Variants in SMCHD1 observed in about 807,000 individuals in gnomAD.
SMCHD1 encodes structural maintenance of chromosomes flexible hinge domain-containing protein 1.
Under a neutral mutation model 254.7 loss-of-function variants are expected in SMCHD1, and 78 were observed. The observed-to-expected ratio is 0.31, with a 90% CI of 0.26 to 0.37. The LOEUF (loss-of-function observed/expected upper bound fraction) is 0.37, where lower values mean the gene tolerates loss of function less well. Among genes scored for constraint, SMCHD1 ranks in the 10% least tolerant of loss-of-function variants. SMCHD1 has a pLI of 1.00. For missense variants in SMCHD1, 1,840 were observed against 2,408.1 expected (o/e 0.76, Z 4.94); for synonymous variants, 766 against 794.9 (o/e 0.96, Z 0.61).
intron 2 of SMCHD1, 52 bp from the exon 3 acceptor site, chr18:2,666,818 A>AT: frequency 1.4e-6 from 2 of 1,421,960 alleles, no homozygotes. Context: ...TTATAAGTTC[A>AT]TTGAGTTTCT....
At chr18:2,785,716 C>T (rs1442694769) in intron 45 of SMCHD1, among the ~76,000 whole-genome samples, 3 of 146,916 alleles carry the variant, frequency 2.0e-5, no homozygotes, top group African/African-American at 7.5e-5. Context: ...TTCATTCTAT[C>T]TCCAGAACTG....
At chr18:2,724,121 G>T (rs2074981013) in intron 20 of SMCHD1, among the ~76,000 whole-genome samples, 1 of 147,032 alleles carries the variant, frequency 6.8e-6, no homozygotes, top group Non-Finnish European at 1.5e-5. Flanking sequence ...TCTTTCCCAG[G>T]GGATTTATTT....
chr18:2,717,239 C>A (rs1289971961), intron 17 of SMCHD1, among the ~76,000 whole-genome samples: 1 of 152,190 alleles, frequency 6.6e-6, no homozygotes, highest in Non-Finnish European at 1.5e-5. Flanking sequence ...AAGGAGCTCC[C>A]AGCTGGCTTC....
chr18:2,699,840 G>A (rs1474885040), intron 10 of SMCHD1, among the ~76,000 whole-genome samples: 1 of 152,222 alleles, frequency 6.6e-6, no homozygotes, highest in Non-Finnish European at 1.5e-5. Flanking sequence ...GGCTTTTAGG[G>A]AGAAGGTTTT....
intron 20 of SMCHD1, among the ~76,000 whole-genome samples, chr18:2,723,718 C>T (rs2143414284): frequency 6.6e-6 from 1 of 152,284 alleles, no homozygotes; most frequent in Non-Finnish European, 1.5e-5. Context: ...CAGAGATCTT[C>T]TGTTTTAACC....
intron 45 of SMCHD1, chr18:2,785,122 C>T: frequency 4.0e-6 from 1 of 250,302 alleles, no homozygotes; most frequent in South Asian, 3.9e-5. Context: ...GGCTGTGTCC[C>T]TTTGCATCTA....
chr18:2,730,077 C>T (rs1004986077), intron 24 of SMCHD1, among the ~76,000 whole-genome samples: 12 of 152,068 alleles, frequency 7.9e-5, no homozygotes, highest in African/African-American at 2.7e-4. Context: ...TTTAAACCAC[C>T]ATGGAAGGAC....
At chr18:2,743,979 T>C in intron 29 of SMCHD1, 51 bp downstream of exon 29, 2 of 1,406,708 alleles carry the variant, frequency 1.4e-6, no homozygotes, top group African/African-American at 2.9e-5. Context: ...TATGGCTTAT[T>C]ACTTTCAGAT....
chr18:2,662,175 AAAAT>A (rs1261651049), intron 1 of SMCHD1, among the ~76,000 whole-genome samples: 6,387 of 98,588 alleles, frequency 0.065, 488 homozygotes, highest in East Asian at 0.21. Flanking sequence ...CAAAAAAAAA[AAAAT>A]AAAATAAATA....
At chr18:2,686,363 T>C (rs1371049892) in intron 5 of SMCHD1, among the ~76,000 whole-genome samples, 1 of 152,182 alleles carries the variant, frequency 6.6e-6, no homozygotes, top group Non-Finnish European at 1.5e-5. Context: ...TATTCCAAAA[T>C]TGGAAAAGAA....
chr18:2,802,070 CTG>C (rs1425841576), intron 47 of SMCHD1, among the ~76,000 whole-genome samples: 1 of 152,042 alleles, frequency 6.6e-6, no homozygotes, highest in African/African-American at 2.4e-5. Flanking sequence ...TTTTTAAAAT[CTG>C]TAGCTATATA....
intron 5 of SMCHD1, among the ~76,000 whole-genome samples, chr18:2,688,008 C>G (rs769741273): frequency 1.8e-4 from 27 of 152,202 alleles, no homozygotes; most frequent in Non-Finnish European, 3.2e-4. Flanking sequence ...AAGTGAGACT[C>G]TCCTTTGCTC....
chr18:2,706,382 G>GTAAGTAAGTTCTTACT lies in SMCHD1; in HGVS notation c.1975_1976insTAAGTAAGTTCTTACT (p.Asp659ValfsTer7). 6.3e-7 allele frequency: 1 copy of GTAAGTAAGTTCTTACT among 1,583,036 alleles called. No homozygotes were observed. ...TATTCAGGAACCTCAGGCACTATAT[G>GTAAGTAAGTTCTTACT]ATGAAGTAAGAACTGTGCCAATTGC... On this transcript the variant is annotated frameshift_variant, in exon 15 of 48. Transcript: ENST00000320876. LOFTEE classifies it high-confidence loss of function.
chr18:2,688,847 C>T, intron 7 of SMCHD1, 100 bp downstream of exon 7: 1 of 746,300 alleles, frequency 1.3e-6, no homozygotes, highest in Non-Finnish European at 2.0e-6. Flanking sequence ...ATGAGTTACC[C>T]TTTCCTTTAG....
rs1292200069 is a variant in SMCHD1, at chr18:2,752,546, A to G, written c.4340A>G (p.Tyr1447Cys). Residue 1447 changes from tyrosine to cysteine, a missense_variant, in exon 34 of 48, where the codon TAT (tyrosine) becomes TGT (cysteine). Physicochemically the swap from Tyr to Cys is radical, Grantham distance 194. This residue lies in a region of SMCHD1 where 881 missense variants were observed against 1,009.5 expected (regional missense o/e 0.87). Coordinates refer to ENST00000320876, the MANE Select transcript of SMCHD1 (RefSeq NM_015295.3). ...AATGACAAAGAAGATGGCTGCTTCT[A>G]TTTCAGGTATTTCTCAAAACATTTC... ...KDNDKEDGCF[Y>C]FRDKVIPNKV... The G allele has an allele frequency of 3.9e-6, 6 of 1,548,822 alleles. No individual in the cohort carries two copies. Among genetic ancestry groups the G allele is most frequent in the Middle Eastern group, 1.7e-4 (1 of 5,948 alleles).
At chr18:2,660,290 A>G (rs903053693) in intron 1 of SMCHD1, among the ~76,000 whole-genome samples, 1 of 152,094 alleles carries the variant, frequency 6.6e-6, no homozygotes, top group East Asian at 1.9e-4. Context: ...GCACCGCTGC[A>G]CTCTAGCCTG....
At chr18:2,698,264 T>A (rs1352046433) in intron 10 of SMCHD1, among the ~76,000 whole-genome samples, 1 of 152,206 alleles carries the variant, frequency 6.6e-6, no homozygotes, top group African/African-American at 2.4e-5. Context: ...TTCTTTTAGT[T>A]CTGTTACGAA....
chr18:2,759,885 A>G (rs1309153433), intron 34 of SMCHD1, among the ~76,000 whole-genome samples: 1 of 152,128 alleles, frequency 6.6e-6, no homozygotes, highest in African/African-American at 2.4e-5. Context: ...TAAATTCTCA[A>G]TATAACTTTC....
At chr18:2,669,217 C>T (rs917193055) in intron 3 of SMCHD1, among the ~76,000 whole-genome samples, 3 of 152,028 alleles carry the variant, frequency 2.0e-5, no homozygotes, top group African/African-American at 7.2e-5. Flanking sequence ...CATTTTGGTG[C>T]ATGCCTTGTT....
Sources: gnomAD v4.1 joint callset for allele counts (sites outside exome capture counted in the v4.1 genomes callset) on GRCh38, gnomAD v4.1.1 for gene constraint, gnomAD v4.1.1 regional missense constraint, MANE v1.5 for transcripts, NCBI Gene and HGNC (gene_info 2026-07-23, HGNC 2026-07-21) for gene names.